LSAMP: variants seen among roughly 807,000 people sequenced by gnomAD.
The protein encoded by LSAMP is limbic system-associated membrane protein.
In LSAMP, 7 loss-of-function variants were observed where a neutral mutation model predicts 38.6. That is an observed-to-expected ratio of 0.18 (90% CI 0.10 to 0.34). The LOEUF (loss-of-function observed/expected upper bound fraction) is 0.34, where lower values mean the gene tolerates loss of function less well. Ranked by LOEUF, LSAMP falls within the 10% of genes least tolerant of loss-of-function variation. The probability of loss-of-function intolerance (pLI) is 1.00; values close to 1 mark genes in which losing one functional copy is unlikely to be tolerated. For synonymous variants in LSAMP, 154 were observed against 166.8 expected (o/e 0.92, Z 0.59); for missense variants, 313 against 420.0 (o/e 0.75, Z 2.23).
At chr3:116,006,803 A>G (rs371004100) in intron 3 of LSAMP, among the ~76,000 whole-genome samples, 38 of 152,300 alleles carry the variant, frequency 2.5e-4, no homozygotes, top group African/African-American at 9.1e-4. Flanking sequence ...TTGAATATAT[A>G]ATTTGGTGCA....
chr3:116,203,845 A>G (rs1281966797), intron 1 of LSAMP, among the ~76,000 whole-genome samples: 3 of 152,144 alleles, frequency 2.0e-5, no homozygotes, highest in African/African-American at 4.8e-5. Flanking sequence ...ATTGTGAATA[A>G]TGCCGCAATA....
At chr3:116,231,539 G>A (rs553664079) in intron 1 of LSAMP, among the ~76,000 whole-genome samples, 13 of 152,186 alleles carry the variant, frequency 8.5e-5, no homozygotes, top group Non-Finnish European at 1.9e-4. Context: ...CTATGTCAAG[G>A]TGCTTCAGTG....
intron 3 of LSAMP, among the ~76,000 whole-genome samples, chr3:115,938,677 T>G (rs1368835499): frequency 6.6e-6 from 1 of 152,156 alleles, no homozygotes; most frequent in South Asian, 2.1e-4. Flanking sequence ...AGAAGATGCA[T>G]AATGCACACA....
intron 3 of LSAMP, among the ~76,000 whole-genome samples, chr3:115,895,095 A>G (rs1177783735): frequency 2.6e-5 from 4 of 152,074 alleles, no homozygotes; most frequent in African/African-American, 4.8e-5. Context: ...AATTCTTGCT[A>G]TGCTTCCCTC....
chr3:115,817,185 A>C (rs1192270646), intron 6 of LSAMP, among the ~76,000 whole-genome samples: 3 of 152,218 alleles, frequency 2.0e-5, no homozygotes, highest in Non-Finnish European at 4.4e-5. Context: ...CTGAAATGAC[A>C]ACAACTCGAA....
chr3:116,164,519 T>C (rs945641579), intron 1 of LSAMP, among the ~76,000 whole-genome samples: 3 of 147,008 alleles, frequency 2.0e-5, no homozygotes, highest in African/African-American at 7.5e-5. Flanking sequence ...GAGAATAAAC[T>C]GTTTAGTAAG....
intron 1 of LSAMP, among the ~76,000 whole-genome samples, chr3:116,310,536 G>C (rs2047543523): frequency 6.6e-6 from 1 of 152,114 alleles, no homozygotes; most frequent in Admixed American, 6.5e-5. Context: ...GGACTATTTT[G>C]ATCCTTTAGG....
Position 116,111,712 on chromosome 3 carries a change from G to A in LSAMP, c.156-25156C>T, listed in dbSNP as rs543863975. On this transcript the variant is annotated intron_variant, in intron 1 of 6. Transcript: ENST00000490035. ...ATTTGCAAGACCATGTTTCTTTTCC[G>A]TTTCATTAATTCTGCTAATTTATCA... Among the ~76,000 whole-genome samples, 19 of 151,946 alleles carry A rather than the reference G, an allele frequency of 1.3e-4. No homozygotes were observed. The South Asian group carries it at 2.3e-3, about 18-fold the overall frequency.
chr3:116,315,496 T>C (rs2047616758), intron 1 of LSAMP, among the ~76,000 whole-genome samples: 1 of 152,174 alleles, frequency 6.6e-6, no homozygotes, highest in South Asian at 2.1e-4. Context: ...GTCAATTTAG[T>C]ATCCCCTATC....
intron 3 of LSAMP, among the ~76,000 whole-genome samples, chr3:115,919,000 C>A (rs955611257): frequency 3.3e-5 from 5 of 152,138 alleles, no homozygotes; most frequent in African/African-American, 1.2e-4. Flanking sequence ...CTAATCTTAA[C>A]ACTATCTACA....
intron 1 of LSAMP, among the ~76,000 whole-genome samples, chr3:116,281,266 T>A (rs965903128): frequency 6.6e-6 from 1 of 152,166 alleles, no homozygotes; most frequent in African/African-American, 2.4e-5. Context: ...ATAAGTTATA[T>A]CTCCTTTGAA....
At chr3:116,347,915 A>G (rs1243110718) in intron 1 of LSAMP, among the ~76,000 whole-genome samples, 1 of 152,154 alleles carries the variant, frequency 6.6e-6, no homozygotes, top group Non-Finnish European at 1.5e-5. Flanking sequence ...GAAAAATACT[A>G]CTGCCCATCA....
chr3:116,114,299 C>T (rs546984687), intron 1 of LSAMP, among the ~76,000 whole-genome samples: 8 of 152,266 alleles, frequency 5.3e-5, no homozygotes, highest in South Asian at 2.1e-4. Context: ...TTTTTCACAT[C>T]CTGTATCTCA....
intron 1 of LSAMP, among the ~76,000 whole-genome samples, chr3:116,436,845 A>G (rs1371277742): frequency 6.6e-6 from 1 of 152,130 alleles, no homozygotes; most frequent in Non-Finnish European, 1.5e-5. Flanking sequence ...GCCCAGAGGA[A>G]AAGAAGTCAT....
chr3:116,271,063 A>G (rs902491786), intron 1 of LSAMP, among the ~76,000 whole-genome samples: 1 of 152,154 alleles, frequency 6.6e-6, no homozygotes, highest in Non-Finnish European at 1.5e-5. Context: ...GGGTTAGGTA[A>G]ATACACATTA....
intron 2 of LSAMP, among the ~76,000 whole-genome samples, chr3:116,074,468 C>T (rs1707685133): frequency 6.6e-6 from 1 of 152,110 alleles, no homozygotes; most frequent in African/African-American, 2.4e-5. Context: ...TTGCCCAAAA[C>T]CATTTGTATT....
At chr3:116,215,683 A>G (rs1417561292) in intron 1 of LSAMP, among the ~76,000 whole-genome samples, 1 of 152,174 alleles carries the variant, frequency 6.6e-6, no homozygotes, top group Non-Finnish European at 1.5e-5. Context: ...AGAGAGATGC[A>G]TTTAATTAGA....
chr3:116,218,447 C>T (rs990891932), intron 1 of LSAMP, among the ~76,000 whole-genome samples: 1 of 152,162 alleles, frequency 6.6e-6, no homozygotes, highest in Non-Finnish European at 1.5e-5. Context: ...ACTTAAACCA[C>T]TCCTCGCCAC....
intron 1 of LSAMP, among the ~76,000 whole-genome samples, chr3:116,340,933 A>G (rs2107752957): frequency 6.6e-6 from 1 of 152,158 alleles, no homozygotes; most frequent in South Asian, 2.1e-4. Flanking sequence ...AGGAGAAGAA[A>G]ACATTTCTGA....
Sources: gnomAD v4.1 joint callset for allele counts (sites outside exome capture counted in the v4.1 genomes callset) on GRCh38, gnomAD v4.1.1 for gene constraint, MANE v1.5 for transcripts, NCBI Gene and HGNC (gene_info 2026-07-23, HGNC 2026-07-21) for gene names.